Variants in HMMR observed in about 807,000 individuals in gnomAD.
HMMR encodes the protein hyaluronan mediated motility receptor.
In HMMR, 108 loss-of-function variants were observed where a neutral mutation model predicts 101.0. That is an observed-to-expected ratio of 1.07 (90% CI 0.92 to 1.25). The LOEUF (loss-of-function observed/expected upper bound fraction) is 1.25, where lower values mean the gene tolerates loss of function less well. Ranked by LOEUF, HMMR falls within the 50% of genes most tolerant of loss-of-function variation. The pLI is 0.00. For synonymous variants in HMMR, 296 were observed against 276.4 expected, an observed-to-expected ratio of 1.07 and a Z score of -0.70; for missense variants, 813 against 788.7, an observed-to-expected ratio of 1.03 and a Z score of -0.37.
intron 6 of HMMR, 38 bp from the exon 7 acceptor site, chr5:163,471,325 C>T (rs1232080419): frequency 3.7e-6 from 6 of 1,608,018 alleles, no homozygotes; most frequent in Non-Finnish European, 5.1e-6. Context: ...ATCAGTACAA[C>T]TTTCTCATTT....
chr5:163,476,018 A>C (rs1439659253), intron 11 of HMMR, among the ~76,000 whole-genome samples: 2 of 152,162 alleles, frequency 1.3e-5, no homozygotes, highest in Non-Finnish European at 2.9e-5. Flanking sequence ...CATTAGAACA[A>C]TAATCAACTC....
intron 3 of HMMR, among the ~76,000 whole-genome samples, chr5:163,466,544 G>A (rs1366955274): frequency 6.6e-6 from 1 of 151,924 alleles, no homozygotes; most frequent in African/African-American, 2.4e-5. Flanking sequence ...TTAGTGGAAC[G>A]CTTTTAAATA....
chr5:163,472,539 T>C (rs762716325), intron 7 of HMMR, among the ~76,000 whole-genome samples: 2 of 152,190 alleles, frequency 1.3e-5, no homozygotes, highest in Non-Finnish European at 2.9e-5. Flanking sequence ...TTGCCATTTT[T>C]ATACACCCCC....
intron 4 of HMMR, 81 bp downstream of exon 4, chr5:163,467,829 G>A: frequency 1.1e-6 from 1 of 884,780 alleles, no homozygotes. Flanking sequence ...GGATTCTGTT[G>A]CAGTGTGAGG....
In HMMR at chr5:163,482,708, A is replaced by G; in HGVS notation, c.1452A>G (p.Lys484=). ...LKLENSSLQE[K]AAKAGKNAED... ...TGGAGAACTCATCATTACAGGAAAA[A>G]GCGGCCAAGGCTGGGAAAAATGCAG... Residue 484 remains lysine, a synonymous_variant, in exon 13 of 18, where the codon AAA becomes AAG. Transcript: ENST00000393915. 2 of 1,613,508 alleles carry G rather than the reference A, an allele frequency of 1.2e-6. No individual in the cohort carries two copies. The highest frequency in any genetic ancestry group is 2.2e-5 in the South Asian group (2 of 91,058).
intron 4 of HMMR, among the ~76,000 whole-genome samples, chr5:163,468,383 A>G (rs1009928705): frequency 2.6e-5 from 4 of 152,212 alleles, no homozygotes; most frequent in South Asian, 2.1e-4. Context: ...AGAAATTTCT[A>G]TTGAACAGTA....
chr5:163,485,251 G>T (rs1483617175), intron 16 of HMMR, among the ~76,000 whole-genome samples: 1 of 152,118 alleles, frequency 6.6e-6, no homozygotes, highest in Non-Finnish European at 1.5e-5. Flanking sequence ...CCATAGAAAG[G>T]TCAGGCTGTA....
intron 11 of HMMR, among the ~76,000 whole-genome samples, chr5:163,477,336 CTTG>C (rs1350748375): frequency 3.9e-5 from 6 of 152,230 alleles, no homozygotes; most frequent in Middle Eastern, 3.4e-3. Flanking sequence ...CATTAAAACA[CTTG>C]TTGTCAAAGG....
At chr5:163,468,995 A>T (rs556025026) in intron 4 of HMMR, among the ~76,000 whole-genome samples, 2 of 152,288 alleles carry the variant, frequency 1.3e-5, no homozygotes, top group South Asian at 4.1e-4. Flanking sequence ...AAAAACATTT[A>T]GCATTTTAAG....
chr5:163,485,218 C>T (rs1019206940), intron 16 of HMMR, among the ~76,000 whole-genome samples: 5 of 152,032 alleles, frequency 3.3e-5, no homozygotes, highest in Admixed American at 6.5e-5. Flanking sequence ...CAGATGAGAT[C>T]GGGTGCGTTC....
chr5:163,491,534 T>C lies in HMMR; in HGVS notation c.*370T>C, dbSNP rs1470492934. The C allele has an allele frequency of 6.2e-6, 1 of 162,032 alleles. No homozygotes were observed. Among genetic ancestry groups the C allele is most frequent in the African/African-American group, 2.4e-5 (1 of 41,822 alleles). 10.0% of individuals were successfully genotyped at this position (162,032 alleles called of 1,614,324 possible). A position where few individuals can be genotyped will look rare whatever the true frequency, so the allele number is the denominator to read the frequency against. ...CTGGAGGTCTTTTCTAGTCTGAGCTTCTTTAGCTAGGCTAAAACACCTTGG... is the reference window on the plus strand; with the variant it reads ...CTGGAGGTCTTTTCTAGTCTGAGCTCCTTTAGCTAGGCTAAAACACCTTGG... On this transcript the variant is annotated 3_prime_UTR_variant, in exon 18 of 18. Transcript: ENST00000393915.
chr5:163,473,683 G>A (rs1450999864), intron 9 of HMMR, 126 bp downstream of exon 9: 7 of 582,348 alleles, frequency 1.2e-5, no homozygotes, highest in Non-Finnish European at 2.0e-5. Flanking sequence ...AATATAATTA[G>A]CTATATAGCT....
In HMMR at chr5:163,481,954, T is replaced by C. The variant is rs899251062; in HGVS notation, c.1386-688T>C. On this transcript the variant is annotated intron_variant, in intron 12 of 17. Coordinates refer to ENST00000393915, the MANE Select transcript of HMMR (RefSeq NM_001142556.2). Reference sequence around the variant, plus strand: ...TTTTGAGTCGGAGTTTCGCTCTTGTTGCCCAGGCTGGAGTGCAATGGCACT... The same window carrying C: ...TTTTGAGTCGGAGTTTCGCTCTTGTCGCCCAGGCTGGAGTGCAATGGCACT... 4.6e-5 allele frequency among the ~76,000 whole-genome samples: 7 copies of C among 152,172 alleles called. No homozygotes were observed. The South Asian group carries it at 1.4e-3, about 32-fold the overall frequency.
At chr5:163,467,338 G>A (rs988267059) in intron 3 of HMMR, among the ~76,000 whole-genome samples, 30 of 152,044 alleles carry the variant, frequency 2.0e-4, no homozygotes, top group Admixed American at 4.6e-4. Flanking sequence ...AGTTTAAGTC[G>A]ATTTCTCTTT....
intron 16 of HMMR, among the ~76,000 whole-genome samples, chr5:163,488,559 C>A (rs1467412984): frequency 6.6e-6 from 1 of 152,132 alleles, no homozygotes; most frequent in African/African-American, 2.4e-5. Context: ...CCCACTACCT[C>A]CCCAGACCCC....
chr5:163,478,349 C>A (rs930447103), intron 11 of HMMR, among the ~76,000 whole-genome samples: 1 of 152,122 alleles, frequency 6.6e-6, no homozygotes, highest in Non-Finnish European at 1.5e-5. Flanking sequence ...AAACTTTATT[C>A]AATCCAGATG....
In HMMR at chr5:163,473,368, T is replaced by C; in HGVS notation, c.726-11T>C. ...TAGATGTGCTTTTTAAGATAATTTG[T>C]TTTAATGCAGTTGTGCTTCAGATCA... On this transcript the variant is annotated splice_polypyrimidine_tract_variant and intron_variant, in intron 8 of 17. Transcript: ENST00000393915. 2 of 1,601,948 alleles carry C rather than the reference T, an allele frequency of 1.2e-6. No individual in the cohort carries two copies. Among genetic ancestry groups the C allele is most frequent in the Non-Finnish European group, 8.5e-7 (1 of 1,173,010 alleles).
At chr5:163,465,551 CAGGCTA>C (rs1351734334) in intron 3 of HMMR, among the ~76,000 whole-genome samples, 1 of 152,076 alleles carries the variant, frequency 6.6e-6, no homozygotes, top group East Asian at 2.0e-4. Flanking sequence ...GCCAGTTGGG[CAGGCTA>C]GGCTGGTCTT....
chr5:163,485,672 G>A (rs753142652), intron 16 of HMMR, among the ~76,000 whole-genome samples: 4 of 152,170 alleles, frequency 2.6e-5, no homozygotes, highest in African/African-American at 7.2e-5. Flanking sequence ...ATGACGTCCA[G>A]TGTGTCTATT....
Sources: allele counts gnomAD v4.1 joint callset (sites outside exome capture counted in the v4.1 genomes callset), GRCh38; gene constraint gnomAD v4.1.1; transcripts MANE v1.5; gene names NCBI Gene and HGNC (gene_info 2026-07-23, HGNC 2026-07-21).